Variants in PDE11A observed in about 807,000 individuals in gnomAD.
The protein encoded by PDE11A is dual 3',5'-cyclic-AMP and -GMP phosphodiesterase 11A.
A neutral mutation model predicts 100.5 loss-of-function variants in PDE11A; 100 were observed. The observed-to-expected ratio is 1.00, with a 90% CI of 0.85 to 1.18. The LOEUF is 1.18. Ranked by LOEUF, PDE11A falls within the 50% of genes most tolerant of loss-of-function variation. The pLI, the probability that PDE11A is intolerant of heterozygous loss-of-function variation, is 0.00. For missense variants in PDE11A, 1,141 were observed against 1,152.6 expected (o/e 0.99, Z 0.15); for synonymous variants, 381 against 420.8 (o/e 0.91, Z 1.16).
chr2:177,924,979 G>GT (rs1332575104), intron 2 of PDE11A, among the ~76,000 whole-genome samples: 1 of 149,560 alleles, frequency 6.7e-6, no homozygotes, highest in Non-Finnish European at 1.5e-5. Context: ...AATATGCGGT[G>GT]TTTGGTTTTT....
At chr2:178,020,279 G>T (rs935197462) in intron 1 of PDE11A, among the ~76,000 whole-genome samples, 1 of 152,120 alleles carries the variant, frequency 6.6e-6, no homozygotes, top group Non-Finnish European at 1.5e-5. Flanking sequence ...TGCATCTCTG[G>T]AGAAGGGTCT....
chr2:178,105,728 T>C, intron 1 of PDE11A: 1 of 1,111,748 alleles, frequency 9.0e-7, no homozygotes, highest in Non-Finnish European at 1.2e-6. Context: ...ACCTGCAGCC[T>C]GGCACCCAAT....
intron 4 of PDE11A, among the ~76,000 whole-genome samples, chr2:177,896,708 T>A (rs1483747596): frequency 6.6e-6 from 1 of 152,230 alleles, no homozygotes; most frequent in East Asian, 1.9e-4. Flanking sequence ...TGAGCCTTAT[T>A]TCCTCATCTA....
chr2:177,994,238 G>A (rs1436531030), intron 2 of PDE11A, among the ~76,000 whole-genome samples: 1 of 152,060 alleles, frequency 6.6e-6, no homozygotes, highest in Non-Finnish European at 1.5e-5. Flanking sequence ...GCCTGCAAAT[G>A]TAAATTTTGA....
chr2:177,719,549 G>C (rs1042144302), intron 12 of PDE11A, among the ~76,000 whole-genome samples: 1 of 152,094 alleles, frequency 6.6e-6, no homozygotes, highest in East Asian at 1.9e-4. Flanking sequence ...ACAATTCCAA[G>C]GGGTTGGAGA....
chr2:177,872,096 T>C (rs1217328112), intron 5 of PDE11A, among the ~76,000 whole-genome samples: 1 of 152,186 alleles, frequency 6.6e-6, no homozygotes, highest in East Asian at 1.9e-4. Flanking sequence ...CTTGAGATCC[T>C]TGAGGACAGA....
At chr2:177,979,626 T>TTTTTTTC (rs1285004682) in intron 2 of PDE11A, among the ~76,000 whole-genome samples, 2 of 144,876 alleles carry the variant, frequency 1.4e-5, no homozygotes, top group South Asian at 4.7e-4. Context: ...TTTTTTTTTT[T>TTTTTTTC]TTGAGACAGA....
chr2:177,931,113 G>A (rs10192990), intron 2 of PDE11A, among the ~76,000 whole-genome samples: 13,155 of 151,934 alleles, frequency 0.087, 540 homozygotes, highest in South Asian at 0.099. Flanking sequence ...CCAAGATTGC[G>A]CCATTGCACT....
rs200330914 is a variant in PDE11A, at chr2:177,898,062, G to A, written c.1298C>T (p.Ser433Leu). The change falls in exon 4 of 20, where the codon TCA (serine) becomes TTA (leucine). Residue 433 changes from serine (S) to leucine (L), a missense_variant. By Grantham distance (145) the Ser-to-Leu change is moderately radical. Transcript: ENST00000286063. ...CSVLLLEDIE[S>L]PVVKFTKSFE... is the part of the protein sequence containing the mutation. ...AAAAGATAAAAGATAACTTACTGGTGATTCGATGTCCTCTAGGAGTAAAAC... is the reference window on the plus strand; with the variant it reads ...AAAAGATAAAAGATAACTTACTGGTAATTCGATGTCCTCTAGGAGTAAAAC... The A allele has an allele frequency of 5.8e-5, 93 of 1,609,416 alleles. No individual in the cohort carries two copies. The highest frequency in any genetic ancestry group is 1.2e-4 in the Admixed American group (7 of 59,988).
At chr2:177,941,869 G>C (rs1461921615) in intron 2 of PDE11A, among the ~76,000 whole-genome samples, 1 of 152,154 alleles carries the variant, frequency 6.6e-6, no homozygotes. Context: ...TGCAATTCTA[G>C]AGGATATTTT....
chr2:177,647,422 T>C (rs1197836370), intron 19 of PDE11A, among the ~76,000 whole-genome samples: 2 of 152,232 alleles, frequency 1.3e-5, no homozygotes, highest in Admixed American at 6.5e-5. Context: ...TAAGTCACTA[T>C]AGGACCTCAA....
At chr2:177,834,548 C>T (rs1428408669) in intron 6 of PDE11A, among the ~76,000 whole-genome samples, 1 of 152,238 alleles carries the variant, frequency 6.6e-6, no homozygotes, top group African/African-American at 2.4e-5. Flanking sequence ...TGCCCCACTC[C>T]CCTCCTGTCT....
chr2:177,635,799 C>T (rs997876689), intron 19 of PDE11A, among the ~76,000 whole-genome samples: 1 of 151,854 alleles, frequency 6.6e-6, no homozygotes, highest in African/African-American at 2.4e-5. Flanking sequence ...GGGATCTGCA[C>T]TTTGCCTTTT....
At chr2:177,873,926 A>G (rs964627568) in intron 5 of PDE11A, among the ~76,000 whole-genome samples, 3 of 152,234 alleles carry the variant, frequency 2.0e-5, no homozygotes, top group Non-Finnish European at 2.9e-5. Context: ...GTAATTACCC[A>G]GAGGGCCTTT....
intron 19 of PDE11A, among the ~76,000 whole-genome samples, chr2:177,652,053 G>A (rs73977692): frequency 0.066 from 10,108 of 152,204 alleles, 929 homozygotes; most frequent in African/African-American, 0.21. Flanking sequence ...GATCTTTCCC[G>A]TTCCTGTCAC....
intron 2 of PDE11A, among the ~76,000 whole-genome samples, chr2:178,103,509 T>G (rs1244056911): frequency 6.6e-6 from 1 of 151,992 alleles, no homozygotes; most frequent in Non-Finnish European, 1.5e-5. Context: ...TCTAATTATG[T>G]TATATAAATT....
chr2:177,943,797 T>C (rs937245951), intron 2 of PDE11A, among the ~76,000 whole-genome samples: 3 of 152,148 alleles, frequency 2.0e-5, no homozygotes, highest in African/African-American at 7.2e-5. Flanking sequence ...AAAAAACCAC[T>C]GCCAAATTCA....
At chr2:177,886,594 T>C (rs2084433885) in intron 4 of PDE11A, among the ~76,000 whole-genome samples, 1 of 152,156 alleles carries the variant, frequency 6.6e-6, no homozygotes, top group Non-Finnish European at 1.5e-5. Flanking sequence ...AGTATTAGAA[T>C]CACAAAATAC....
intron 2 of PDE11A, among the ~76,000 whole-genome samples, chr2:178,097,048 G>A (rs1303581423): frequency 6.6e-6 from 1 of 151,988 alleles, no homozygotes; most frequent in African/African-American, 2.4e-5. Flanking sequence ...CACCACACCC[G>A]ACTAATTTTT....
Sources: allele counts gnomAD v4.1 joint callset (sites outside exome capture counted in the v4.1 genomes callset), GRCh38; gene constraint gnomAD v4.1.1; transcripts MANE v1.5; gene names NCBI Gene and HGNC (gene_info 2026-07-23, HGNC 2026-07-21).